The following LARGE1 variants were observed in gnomAD, a reference collection of about 807,000 sequenced individuals.
LARGE1 encodes LARGE xylosyl- and glucuronyltransferase 1.
LARGE1 carries 43 observed loss-of-function variants against 87.6 expected under a neutral mutation model. The ratio of observed to expected loss-of-function variants is 0.49; its 90% CI spans 0.38 to 0.63. The LOEUF (loss-of-function observed/expected upper bound fraction) is 0.63, where lower values mean the gene tolerates loss of function less well. Among genes scored for constraint, LARGE1 ranks in the 30% least tolerant of loss-of-function variants. The pLI is 0.00. For synonymous variants in LARGE1, 434 were observed against 394.6 expected, an observed-to-expected ratio of 1.10 and a Z score of -1.18; for missense variants, 802 against 1,000.2, an observed-to-expected ratio of 0.80 and a Z score of 2.67.
the LARGE1 span, among the ~76,000 whole-genome samples, chr22:33,144,481 A>G: frequency 6.6e-6 from 1 of 152,178 alleles, no homozygotes; most frequent in Non-Finnish European, 1.5e-5. Context: ...ACACACATAT[A>G]TAGTTGTTGC....
intron 3 of LARGE1, among the ~76,000 whole-genome samples, chr22:33,635,948 G>A (rs1033083197): frequency 6.6e-5 from 10 of 152,142 alleles, no homozygotes; most frequent in African/African-American, 2.2e-4. Flanking sequence ...AGGGCTCAGC[G>A]AGGAACAGGT....
At chr22:33,892,470 C>T (rs1229598468) in intron 1 of LARGE1, among the ~76,000 whole-genome samples, 2 of 152,170 alleles carry the variant, frequency 1.3e-5, no homozygotes, top group Non-Finnish European at 2.9e-5. Flanking sequence ...CAAAGCTAGT[C>T]ACATGGTGAA....
At chr22:33,502,625 G>C (rs1446860459) in intron 6 of LARGE1, among the ~76,000 whole-genome samples, 1 of 152,092 alleles carries the variant, frequency 6.6e-6, no homozygotes, top group Non-Finnish European at 1.5e-5. Flanking sequence ...CTGGAGTGCA[G>C]TGGCGTGATC....
intron 4 of LARGE1, among the ~76,000 whole-genome samples, chr22:33,610,735 C>T (rs1457033978): frequency 2.0e-5 from 3 of 152,120 alleles, no homozygotes; most frequent in Non-Finnish European, 2.9e-5. Flanking sequence ...GGGAAAAAGG[C>T]CCTGAAGGCA....
chr22:33,891,514 C>T (rs1027298825), intron 1 of LARGE1, among the ~76,000 whole-genome samples: 4 of 151,276 alleles, frequency 2.6e-5, no homozygotes, highest in Non-Finnish European at 4.4e-5. Context: ...AATGAGAATA[C>T]GATGTTACTG....
chr22:33,877,297 G>A (rs2064497614), intron 1 of LARGE1, among the ~76,000 whole-genome samples: 1 of 152,116 alleles, frequency 6.6e-6, no homozygotes. Context: ...CCTGTTGCGA[G>A]GTTCAGTCTA....
chr22:33,715,992 G>A (rs4821178), intron 2 of LARGE1, among the ~76,000 whole-genome samples: 17,911 of 152,032 alleles, frequency 0.12, 1,572 homozygotes, highest in African/African-American at 0.24. Context: ...TACTAATTCC[G>A]AATTCATGTT....
At chr22:33,869,860 G>A (rs1159621588) in intron 1 of LARGE1, among the ~76,000 whole-genome samples, 2 of 152,224 alleles carry the variant, frequency 1.3e-5, no homozygotes, top group African/African-American at 2.4e-5. Flanking sequence ...ACAAAGGGCC[G>A]TCATCAGGAG....
chr22:33,647,945 G>A (rs192815670), intron 3 of LARGE1, among the ~76,000 whole-genome samples: 1 of 152,184 alleles, frequency 6.6e-6, no homozygotes, highest in East Asian at 1.9e-4. Context: ...TTTTAGTAGA[G>A]ACGGGGTTTC....
At chr22:33,168,873 T>G (rs1374571457) in intron 11 of LARGE1, among the ~76,000 whole-genome samples, 1 of 152,218 alleles carries the variant, frequency 6.6e-6, no homozygotes, top group Non-Finnish European at 1.5e-5. Context: ...ATATTAGAAT[T>G]TAATTCTGAG....
chr22:33,750,842 G>A (rs1317128335), intron 2 of LARGE1: 1 of 152,126 alleles, frequency 6.6e-6, no homozygotes, highest in Non-Finnish European at 1.5e-5. Context: ...CACTCTCATA[G>A]GGTGAATATC....
chr22:33,746,374 T>C (rs558445890), intron 2 of LARGE1: 1 of 152,370 alleles, frequency 6.6e-6, no homozygotes, highest in East Asian at 1.9e-4. Context: ...TATTTTTATT[T>C]CTGGCACTTC....
chr22:33,447,887 C>T (rs1253684473), intron 6 of LARGE1, among the ~76,000 whole-genome samples: 1 of 152,094 alleles, frequency 6.6e-6, no homozygotes, highest in Non-Finnish European at 1.5e-5. Flanking sequence ...GTAATAACAA[C>T]ACATTCAGCC....
chr22:33,807,257 C>T (rs1364811130), intron 1 of LARGE1, among the ~76,000 whole-genome samples: 1 of 152,034 alleles, frequency 6.6e-6, no homozygotes, highest in Non-Finnish European at 1.5e-5. Context: ...ACCCGCCTCA[C>T]AGGACTGTTT....
chr22:33,782,052 G>A (rs1426878476), intron 1 of LARGE1, among the ~76,000 whole-genome samples: 2 of 152,096 alleles, frequency 1.3e-5, no homozygotes, highest in Non-Finnish European at 2.9e-5. Context: ...ATCTGCATGG[G>A]GAAAATGAGG....
chr22:33,537,090 C>T (rs1239779384), intron 6 of LARGE1, among the ~76,000 whole-genome samples: 1 of 152,200 alleles, frequency 6.6e-6, no homozygotes, highest in Non-Finnish European at 1.5e-5. Flanking sequence ...GGATTACAGG[C>T]GTGAGCCACC....
At position 33,795,476 on chromosome 22, in the gene LARGE1, T is replaced by A. The variant is rs542247781; in HGVS notation, c.-82-33918A>T. On this transcript the variant is annotated intron_variant, in intron 1 of 14. Transcript: ENST00000397394. The stretch of plus-strand genomic sequence containing the variant: ...AGAGAAACACACTAGACATAGTGGT[T>A]AAGAATATAGGCTGTGGACCATCCC... Among the ~76,000 whole-genome samples the A allele has an allele frequency of 1.3e-3, 193 of 152,174 alleles. 1 individual carries two copies. Among genetic ancestry groups the A allele is most frequent in the Middle Eastern group, 0.01 (3 of 294 alleles).
intron 1 of LARGE1, among the ~76,000 whole-genome samples, chr22:33,874,134 A>G (rs996907610): frequency 2.6e-5 from 4 of 152,018 alleles, no homozygotes; most frequent in Non-Finnish European, 5.9e-5. Flanking sequence ...CCTCTGTCCA[A>G]CGCAAAACCT....
chr22:33,475,064 C>A (rs556930808), intron 6 of LARGE1, among the ~76,000 whole-genome samples: 42 of 152,222 alleles, frequency 2.8e-4, no homozygotes, highest in African/African-American at 1.0e-3. Flanking sequence ...GAGGGGGAGC[C>A]AGGCTGAATT....
Sources: gnomAD v4.1 joint callset for allele counts (sites outside exome capture counted in the v4.1 genomes callset) on GRCh38, gnomAD v4.1.1 for gene constraint, MANE v1.5 for transcripts, NCBI Gene and HGNC (gene_info 2026-07-23, HGNC 2026-07-21) for gene names.